OR9Q1: variants seen among roughly 807,000 people sequenced by gnomAD.
The protein encoded by OR9Q1 is olfactory receptor 9Q1.
For synonymous variants in OR9Q1, 153 were observed against 148.6 expected, an observed-to-expected ratio of 1.03 and a Z score of -0.22; for missense variants, 374 against 378.8, an observed-to-expected ratio of 0.99 and a Z score of 0.11.
chr11:58,130,360 C>CTTTGA (rs1341559535), intron 2 of OR9Q1, among the ~76,000 whole-genome samples: 10 of 152,168 alleles, frequency 6.6e-5, no homozygotes, highest in Middle Eastern at 3.2e-3. Context: ...CCTACATAAT[C>CTTTGA]ATCAAATATT....
intron 2 of OR9Q1, among the ~76,000 whole-genome samples, chr11:58,061,682 CTG>C (rs1853381581): frequency 6.6e-6 from 1 of 152,178 alleles, no homozygotes; most frequent in East Asian, 1.9e-4. Flanking sequence ...TTTAGGGACT[CTG>C]GGGTTTTGGA....
At chr11:58,069,505 A>G (rs1853465729) in intron 2 of OR9Q1, among the ~76,000 whole-genome samples, 1 of 152,108 alleles carries the variant, frequency 6.6e-6, no homozygotes, top group Non-Finnish European at 1.5e-5. Flanking sequence ...GCAAGATGTG[A>G]GAAGGATCTT....
intron 2 of OR9Q1, among the ~76,000 whole-genome samples, chr11:58,145,870 G>C (rs1854295109): frequency 6.6e-6 from 1 of 152,072 alleles, no homozygotes; most frequent in Non-Finnish European, 1.5e-5. Context: ...CACATTTTTG[G>C]TTGTGGATCA....
chr11:58,141,335 G>A (rs1854246733), intron 2 of OR9Q1, among the ~76,000 whole-genome samples: 1 of 152,130 alleles, frequency 6.6e-6, no homozygotes. Flanking sequence ...TGCCCATTCA[G>A]TATGATATTG....
intron 2 of OR9Q1, among the ~76,000 whole-genome samples, chr11:58,061,123 C>T (rs950418066): frequency 3.3e-5 from 5 of 152,148 alleles, no homozygotes; most frequent in Non-Finnish European, 5.9e-5. Context: ...TGCTTTCCTT[C>T]CCCTACAGGC....
intron 2 of OR9Q1, among the ~76,000 whole-genome samples, chr11:58,176,729 G>A (rs187661895): frequency 6.6e-6 from 1 of 152,178 alleles, no homozygotes; most frequent in East Asian, 1.9e-4. Flanking sequence ...CACACATTGT[G>A]TGTGCATGTG....
intron 1 of OR9Q1, among the ~76,000 whole-genome samples, chr11:58,026,507 C>A (rs2119898616): frequency 6.6e-6 from 1 of 151,776 alleles, no homozygotes; most frequent in South Asian, 2.1e-4. Context: ...TATGGTGAAA[C>A]CGTGTCTCTA....
At chr11:58,035,046 T>A (rs957364315) in intron 1 of OR9Q1, among the ~76,000 whole-genome samples, 1 of 151,910 alleles carries the variant, frequency 6.6e-6, no homozygotes, top group Non-Finnish European at 1.5e-5. Context: ...TCCAGGCTGA[T>A]CTCAAACTCC....
At chr11:58,046,479 C>A (rs942156646) in intron 1 of OR9Q1, among the ~76,000 whole-genome samples, 1 of 152,126 alleles carries the variant, frequency 6.6e-6, no homozygotes, top group Non-Finnish European at 1.5e-5. Context: ...GCTATTGTTG[C>A]TCAGTGAAGG....
At chr11:58,026,510 T>G (rs1348655300) in intron 1 of OR9Q1, among the ~76,000 whole-genome samples, 2 of 151,622 alleles carry the variant, frequency 1.3e-5, no homozygotes, top group Admixed American at 1.3e-4. Flanking sequence ...GGTGAAACCG[T>G]GTCTCTATTA....
chr11:58,053,450 G>T (rs1853288399), intron 1 of OR9Q1, among the ~76,000 whole-genome samples: 1 of 97,068 alleles, frequency 1.0e-5, no homozygotes, highest in Non-Finnish European at 2.0e-5. Context: ...GCCTGTTGTG[G>T]GGTGGGGGGA....
intron 2 of OR9Q1, among the ~76,000 whole-genome samples, chr11:58,178,630 G>A (rs372369141): frequency 6.6e-6 from 1 of 152,032 alleles, no homozygotes; most frequent in Non-Finnish European, 1.5e-5. Context: ...GTAGGCAAGA[G>A]ACCATGTGTC....
chr11:58,151,479 C>A (rs997275596), intron 2 of OR9Q1, among the ~76,000 whole-genome samples: 3 of 152,118 alleles, frequency 2.0e-5, no homozygotes, highest in Non-Finnish European at 4.4e-5. Context: ...GAAGGCAAAT[C>A]CAAATCTGCA....
intron 1 of OR9Q1, among the ~76,000 whole-genome samples, chr11:58,036,969 T>TA (rs1356417469): frequency 6.6e-6 from 1 of 152,228 alleles, no homozygotes; most frequent in East Asian, 1.9e-4. Context: ...ACTTGAATTT[T>TA]AAAAGTTCTA....
intron 2 of OR9Q1, among the ~76,000 whole-genome samples, chr11:58,058,750 G>C (rs1332491256): frequency 6.6e-6 from 1 of 152,114 alleles, no homozygotes; most frequent in Non-Finnish European, 1.5e-5. Flanking sequence ...AGCCACCCTC[G>C]CCCCCGATCT....
chr11:58,148,714 G>A (rs1854322511), intron 2 of OR9Q1, among the ~76,000 whole-genome samples: 1 of 152,170 alleles, frequency 6.6e-6, no homozygotes, highest in Admixed American at 6.6e-5. Context: ...ATCTCATTTT[G>A]CCTGATGCTG....
intron 2 of OR9Q1, among the ~76,000 whole-genome samples, chr11:58,161,826 C>T (rs1331856309): frequency 6.6e-6 from 1 of 152,204 alleles, no homozygotes; most frequent in African/African-American, 2.4e-5. Context: ...GCCACCGCAC[C>T]CGGCCCTCTG....
intron 2 of OR9Q1, among the ~76,000 whole-genome samples, chr11:58,083,123 C>G (rs1853605013): frequency 6.6e-6 from 1 of 152,038 alleles, no homozygotes; most frequent in Admixed American, 6.6e-5. Context: ...CCTAGGTTTT[C>G]TTCTAGAGTT....
intron 2 of OR9Q1, among the ~76,000 whole-genome samples, chr11:58,120,803 CATAT>C (rs61634454): frequency 0.23 from 30,315 of 132,600 alleles, 3,715 homozygotes; most frequent in Middle Eastern, 0.38. Flanking sequence ...ATTTCAATAC[CATAT>C]ATATATATAT....
Sources: gnomAD v4.1 joint callset for allele counts (sites outside exome capture counted in the v4.1 genomes callset) on GRCh38, gnomAD v4.1.1 for gene constraint, MANE v1.5 for transcripts, NCBI Gene and HGNC (gene_info 2026-07-23, HGNC 2026-07-21) for gene names.